The following ELP4 variants were observed in gnomAD, a reference collection of about 807,000 sequenced individuals.
ELP4 encodes the protein elongator complex protein 4.
In ELP4, 51 loss-of-function variants were observed where a neutral mutation model predicts 48.9. That is an observed-to-expected ratio of 1.04 (90% CI 0.83 to 1.32). The LOEUF is 1.32. Ranked by LOEUF, ELP4 falls within the 40% of genes most tolerant of loss-of-function variation. The probability of loss-of-function intolerance (pLI) is 0.00; values close to 1 mark genes in which losing one functional copy is unlikely to be tolerated. For missense variants in ELP4, 519 were observed against 514.6 expected (o/e 1.01, Z -0.08); for synonymous variants, 210 against 189.2 (o/e 1.11, Z -0.90).
At chr11:31,696,467 G>C (rs1275928952) in intron 9 of ELP4, among the ~76,000 whole-genome samples, 2 of 152,144 alleles carry the variant, frequency 1.3e-5, no homozygotes. Flanking sequence ...TTTCCATGTA[G>C]TTGAGTGATT....
chr11:31,655,596 G>A (rs1489708898), intron 9 of ELP4, among the ~76,000 whole-genome samples: 1 of 151,938 alleles, frequency 6.6e-6, no homozygotes, highest in Non-Finnish European at 1.5e-5. Flanking sequence ...TTGGAGGCCA[G>A]CTTAGGTCCG....
chr11:31,679,377 A>T (rs1946009001), intron 9 of ELP4, among the ~76,000 whole-genome samples: 1 of 152,204 alleles, frequency 6.6e-6, no homozygotes, highest in African/African-American at 2.4e-5. Flanking sequence ...ACACTGGCTG[A>T]CTTAAACAAT....
At chr11:31,734,675 C>T (rs1160215624) in intron 9 of ELP4, among the ~76,000 whole-genome samples, 3 of 152,018 alleles carry the variant, frequency 2.0e-5, no homozygotes, top group African/African-American at 7.2e-5. Context: ...AAGTATTGTA[C>T]ACTGAAAACT....
At chr11:31,576,548 A>T (rs1000674659) in intron 3 of ELP4, among the ~76,000 whole-genome samples, 45 of 152,186 alleles carry the variant, frequency 3.0e-4, no homozygotes, top group African/African-American at 8.7e-4. Context: ...GAAGTAAAGC[A>T]CTCCTCAGCA....
chr11:31,668,535 A>G (rs1249978955), intron 9 of ELP4, among the ~76,000 whole-genome samples: 2 of 149,632 alleles, frequency 1.3e-5, no homozygotes, highest in African/African-American at 4.9e-5. Context: ...TATGTTGCCC[A>G]GGCTTGACTC....
intron 5 of ELP4, among the ~76,000 whole-genome samples, chr11:31,622,091 A>G (rs922999442): frequency 2.0e-5 from 3 of 151,728 alleles, no homozygotes; most frequent in African/African-American, 4.8e-5. Context: ...ATTATTTACT[A>G]TGTACCAAAC....
chr11:31,602,948 G>A (rs1372249769), intron 4 of ELP4, among the ~76,000 whole-genome samples: 1 of 151,878 alleles, frequency 6.6e-6, no homozygotes, highest in African/African-American at 2.4e-5. Context: ...TTGAATGAAA[G>A]AAATTAGCTC....
In ELP4 at chr11:31,790,234, AC is replaced by A. The variant is rs1035869139; in HGVS notation, c.*6716del. 6 of 526,122 alleles carry A rather than the reference AC, an allele frequency of 1.1e-5. No individual in the cohort carries two copies. The highest frequency in any genetic ancestry group is 3.9e-5 in the African/African-American group (2 of 50,866). The allele number at this position is 526,122 out of a possible 1,614,324, so 32.6% of individuals were successfully genotyped here. On this transcript the variant is annotated 3_prime_UTR_variant, in exon 10 of 10. Transcript: ENST00000640961. ...TATATATACCTATTGGATCCCAAGT[AC>A]CCCCCACCCCAATCCAAAGGAAAAG...
At chr11:31,519,927 A>T in intron 1 of ELP4, 129 bp from the exon 2 acceptor site, 1 of 716,332 alleles carries the variant, frequency 1.4e-6, no homozygotes. Context: ...TTGCAAAGGT[A>T]ATTAAAATGT....
At chr11:31,766,065 A>G (rs1171731447) in intron 9 of ELP4, among the ~76,000 whole-genome samples, 1 of 152,090 alleles carries the variant, frequency 6.6e-6, no homozygotes, top group Non-Finnish European at 1.5e-5. Flanking sequence ...GTGGTGCTTC[A>G]TCTATTTTTT....
At chr11:31,710,334 T>C (rs1235924379) in intron 9 of ELP4, among the ~76,000 whole-genome samples, 1 of 152,090 alleles carries the variant, frequency 6.6e-6, no homozygotes, top group Non-Finnish European at 1.5e-5. Flanking sequence ...TTCATAGATA[T>C]GAAATAAGGG....
chr11:31,772,382 A>G (rs751043161), intron 9 of ELP4, among the ~76,000 whole-genome samples: 3 of 152,030 alleles, frequency 2.0e-5, no homozygotes, highest in Non-Finnish European at 4.4e-5. Context: ...CGACCTCCCA[A>G]GTGCTGGAAT....
At chr11:31,594,740 T>A (rs748501485) in intron 3 of ELP4, 30 bp from the exon 4 acceptor site, 7 of 1,442,950 alleles carry the variant, frequency 4.9e-6, no homozygotes, top group South Asian at 3.1e-5. Context: ...TACCACAGAA[T>A]CTCAATTATG....
intron 9 of ELP4, among the ~76,000 whole-genome samples, chr11:31,727,443 G>C (rs1358540075): frequency 6.6e-6 from 1 of 151,998 alleles, no homozygotes; most frequent in Non-Finnish European, 1.5e-5. Flanking sequence ...AGAAGATAAG[G>C]TTACCACTTT....
chr11:31,545,614 G>A (rs1476835690), intron 3 of ELP4, among the ~76,000 whole-genome samples: 1 of 152,108 alleles, frequency 6.6e-6, no homozygotes, highest in Non-Finnish European at 1.5e-5. Flanking sequence ...CCAACATTCA[G>A]ATTCAGGAAA....
intron 2 of ELP4, among the ~76,000 whole-genome samples, chr11:31,534,438 A>G (rs1956466953): frequency 6.6e-6 from 1 of 152,170 alleles, no homozygotes; most frequent in Non-Finnish European, 1.5e-5. Flanking sequence ...TTATTCTTCT[A>G]TATTTAGTAC....
chr11:31,544,047 G>A (rs576454073), intron 3 of ELP4, among the ~76,000 whole-genome samples: 38 of 152,314 alleles, frequency 2.5e-4, no homozygotes, highest in African/African-American at 8.4e-4. Context: ...GAACAGCTCC[G>A]GTCTACAGCT....
intron 9 of ELP4, among the ~76,000 whole-genome samples, chr11:31,737,580 C>G (rs935830263): frequency 6.6e-6 from 1 of 152,150 alleles, no homozygotes; most frequent in Non-Finnish European, 1.5e-5. Context: ...AACCATATAT[C>G]TGTTAAGGGA....
chr11:31,780,910 T>A (rs376287303), intron 9 of ELP4: 23 of 152,388 alleles, frequency 1.5e-4, no homozygotes, highest in African/African-American at 5.3e-4. Flanking sequence ...CAAATCTCCA[T>A]TCTTCATGTC....
Sources: allele counts gnomAD v4.1 joint callset (sites outside exome capture counted in the v4.1 genomes callset), GRCh38; gene constraint gnomAD v4.1.1; transcripts MANE v1.5; gene names NCBI Gene and HGNC (gene_info 2026-07-23, HGNC 2026-07-21).